Variants in DGKD observed in about 807,000 individuals in gnomAD.
DGKD encodes diacylglycerol kinase delta.
DGKD carries 68 observed loss-of-function variants against 154.4 expected under a neutral mutation model. The observed-to-expected ratio is 0.44, with a 90% confidence interval of 0.36 to 0.54. DGKD has a LOEUF of 0.54. Among genes scored for constraint, DGKD ranks in the 20% least tolerant of loss-of-function variants. The pLI, the probability that DGKD is intolerant of heterozygous loss-of-function variation, is 0.00. For missense variants in DGKD, 1,343 were observed against 1,593.6 expected (o/e 0.84, Z 2.68); for synonymous variants, 693 against 638.0 (o/e 1.09, Z -1.30).
At chr2:233,395,622 C>T (rs1449791735) in intron 3 of DGKD, among the ~76,000 whole-genome samples, 1 of 149,054 alleles carries the variant, frequency 6.7e-6, no homozygotes, top group Non-Finnish European at 1.5e-5. Context: ...CCTCCCCTCC[C>T]CGCTTCTCTC....
chr2:233,451,089 A>G (rs371136235), intron 17 of DGKD, 39 bp downstream of exon 17: 1 of 1,583,688 alleles, frequency 6.3e-7, no homozygotes, highest in Non-Finnish European at 8.6e-7. Context: ...TGGGGGCCCT[A>G]GCACAACACT....
At position 233,441,409 on chromosome 2, in the gene DGKD, C is replaced by T. The variant is rs1035932535; in HGVS notation, c.1086-478C>T. ...CGGAAGCCAGACTGTGGCCCAGGGC[C>T]GGGGAGTGCCAAGACTGAGGGTGCA... On this transcript the variant is annotated intron_variant, in intron 9 of 29. Transcript: ENST00000264057. The surrounding 1 kb of genome is among the most constrained non-coding windows in gnomAD (Gnocchi z 5.6). Among the ~76,000 whole-genome samples, 8 of 152,110 alleles carry T rather than the reference C, an allele frequency of 5.3e-5. No homozygotes were observed. The highest frequency in any genetic ancestry group is 3.2e-3 in the Middle Eastern group (1 of 316).
At chr2:233,395,588 C>CTT (rs1703960902) in intron 3 of DGKD, among the ~76,000 whole-genome samples, 1 of 149,524 alleles carries the variant, frequency 6.7e-6, no homozygotes, top group Non-Finnish European at 1.5e-5. Context: ...CTTTTTTCTC[C>CTT]TCCCCTCCCC....
intron 1 of DGKD, among the ~76,000 whole-genome samples, chr2:233,380,423 T>C (rs908911102): frequency 6.6e-6 from 1 of 152,232 alleles, no homozygotes; most frequent in Non-Finnish European, 1.5e-5. Flanking sequence ...ACTGGCTACC[T>C]TGTGGCCTCA....
intron 1 of DGKD, among the ~76,000 whole-genome samples, chr2:233,370,649 G>A (rs7566221): frequency 6.7e-6 from 1 of 150,310 alleles, no homozygotes; most frequent in African/African-American, 2.5e-5. Flanking sequence ...TCATTCATCG[G>A]TTGACAGATA....
In DGKD at chr2:233,441,302, C is replaced by T. The variant is rs1439780234; in HGVS notation, c.1086-585C>T. 6.6e-6 allele frequency among the ~76,000 whole-genome samples: 1 copy of T among 152,106 alleles called. No homozygotes were observed. Among genetic ancestry groups the T allele is most frequent in the Non-Finnish European group, 1.5e-5 (1 of 68,014 alleles). ...CACCGGAGGACTGAGTGGGCCCAGG[C>T]ATATGTGCTGCAGTGGGGACACGCA... is the stretch of plus-strand genomic sequence containing the variant. On this transcript the variant is annotated intron_variant, in intron 9 of 29. Transcript: ENST00000264057. The surrounding 1 kb of genome is among the most constrained non-coding windows in gnomAD (Gnocchi z 5.6).
chr2:233,463,945 C>T (rs914640225), intron 26 of DGKD: 8 of 578,344 alleles, frequency 1.4e-5, no homozygotes, highest in South Asian at 4.7e-5. Context: ...GTGAATTCAT[C>T]GTTGACTGAT....
intron 3 of DGKD, among the ~76,000 whole-genome samples, chr2:233,413,362 GT>G (rs2061875298): frequency 1.3e-5 from 2 of 151,238 alleles, no homozygotes; most frequent in South Asian, 4.2e-4. Context: ...TAGGTATGCA[GT>G]TTTTTTGGGG....
intron 1 of DGKD, among the ~76,000 whole-genome samples, chr2:233,382,863 C>T (rs1014818801): frequency 6.6e-6 from 1 of 152,156 alleles, no homozygotes; most frequent in African/African-American, 2.4e-5. Context: ...GACCCACCTG[C>T]GCGGCTGAGT....
intron 29 of DGKD, 50 bp downstream of exon 29, chr2:233,468,603 C>A: frequency 6.2e-7 from 1 of 1,607,830 alleles, no homozygotes; most frequent in Non-Finnish European, 8.5e-7. Context: ...TTGCACGCAG[C>A]TCCCTTCTCT....
chr2:233,380,545 A>G (rs1702835438), intron 1 of DGKD, among the ~76,000 whole-genome samples: 2 of 152,116 alleles, frequency 1.3e-5, no homozygotes, highest in Non-Finnish European at 2.9e-5. Flanking sequence ...CCCACCCCCA[A>G]CAGAACTGCT....
In DGKD at chr2:233,435,924, G is replaced by A; in HGVS notation, c.693G>A (p.Gly231=). ...AGGACATCATTGAAGATGCAGATGGGGTATGTTAAGAAATACCACCTGTGG... is the reference window on the plus strand; with the variant it reads ...AGGACATCATTGAAGATGCAGATGGAGTATGTTAAGAAATACCACCTGTGG... ...IGKDIIEDAD[G]IAMPHQWLEG... The change falls in exon 6 of 30, where the codon GGG becomes GGA. Residue 231 remains glycine (G), a splice_region_variant and synonymous_variant. Coordinates refer to ENST00000264057, the MANE Select transcript of DGKD (RefSeq NM_152879.3). 1 of 1,605,178 alleles carries A rather than the reference G, an allele frequency of 6.2e-7. No homozygotes were observed. The highest frequency in any genetic ancestry group is 8.5e-7 in the Non-Finnish European group (1 of 1,175,842).
At chr2:233,362,768 G>C (rs1014726153) in intron 1 of DGKD, among the ~76,000 whole-genome samples, 1 of 152,222 alleles carries the variant, frequency 6.6e-6, no homozygotes, top group Non-Finnish European at 1.5e-5. Flanking sequence ...ATCAATTCCT[G>C]GTACACCCTT....
Position 233,452,127 on chromosome 2 carries a change from T to G in DGKD, c.2264+67T>G. ...GCTGCTAGTGCATAGAAAACAGATC[T>G]CAGGATTAACTAGAGAAATTAGTGA... On this transcript the variant is annotated intron_variant, in intron 18 of 29. Coordinates refer to ENST00000264057, the MANE Select transcript of DGKD (RefSeq NM_152879.3). The surrounding 1 kb of genome is among the most constrained non-coding windows in gnomAD (Gnocchi z 4.0). The G allele has an allele frequency of 6.9e-7, 1 of 1,439,048 alleles. No homozygotes were observed. The highest frequency in any genetic ancestry group is 1.2e-5 in the South Asian group (1 of 86,710). The allele number at this position is 1,439,048 out of a possible 1,614,324, so 89.1% of individuals were successfully genotyped here. A position where few individuals can be genotyped will look rare whatever the true frequency, so the allele number is the denominator to read the frequency against.
At chr2:233,435,796 T>C in intron 5 of DGKD, 22 bp from the exon 6 acceptor site, 2 of 1,605,108 alleles carry the variant, frequency 1.2e-6, no homozygotes, top group South Asian at 1.1e-5. Flanking sequence ...GCTTGTAGGC[T>C]CATGTGCCCC....
In DGKD at chr2:233,380,679, T is replaced by TGG. The variant is rs942955472; in HGVS notation, c.157-7572_157-7571dup. ...CAGTGAGGATGTGTGTGTGTGTGTG[T>TGG]GGGGGGGTGTTAACACCACATACCG... On this transcript the variant is annotated intron_variant, in intron 1 of 29. Coordinates refer to ENST00000264057, the MANE Select transcript of DGKD (RefSeq NM_152879.3). Among the ~76,000 whole-genome samples the TGG allele has an allele frequency of 7.2e-4, 109 of 151,662 alleles. No homozygotes were observed. The East Asian group carries it at 0.01, about 14-fold the overall frequency.
chr2:233,421,427 TA>T (rs1394639287), intron 3 of DGKD, among the ~76,000 whole-genome samples: 3 of 152,232 alleles, frequency 2.0e-5, no homozygotes, highest in Non-Finnish European at 4.4e-5. Flanking sequence ...TCCTGCATCT[TA>T]CTGTCAGCTT....
chr2:233,419,544 C>A, intron 3 of DGKD: 1 of 683,554 alleles, frequency 1.5e-6, no homozygotes, highest in Non-Finnish European at 1.8e-6. Context: ...CAGAGGGTTG[C>A]TTCTTGGCTT....
At chr2:233,460,134 C>A (rs1325293903) in intron 23 of DGKD, 60 bp from the exon 24 acceptor site, 2 of 1,589,540 alleles carry the variant, frequency 1.3e-6, no homozygotes, top group Non-Finnish European at 1.7e-6. Context: ...CCCATAGTGT[C>A]TGTCGCAGTC....
Sources: allele counts gnomAD v4.1 joint callset (sites outside exome capture counted in the v4.1 genomes callset), GRCh38; gene constraint gnomAD v4.1.1; non-coding constraint Gnocchi (gnomAD v3.1); transcripts MANE v1.5; gene names NCBI Gene and HGNC (gene_info 2026-07-23, HGNC 2026-07-21).